TMEM44: variants seen among roughly 807,000 people sequenced by gnomAD.
TMEM44 encodes the protein transmembrane protein 44.
TMEM44 carries 43 observed loss-of-function variants against 47.8 expected under a neutral mutation model. The observed-to-expected ratio is 0.90, with a 90% CI of 0.70 to 1.16. TMEM44 has a LOEUF of 1.16. Ranked by LOEUF, TMEM44 falls within the 50% of genes most tolerant of loss-of-function variation. The pLI, the probability that TMEM44 is intolerant of heterozygous loss-of-function variation, is 0.00. For synonymous variants in TMEM44, 277 were observed against 238.8 expected (o/e 1.16, Z -1.48); for missense variants, 568 against 555.2 (o/e 1.02, Z -0.23).
intron 9 of TMEM44, among the ~76,000 whole-genome samples, chr3:194,598,529 C>T (rs1223417632): frequency 6.6e-6 from 1 of 152,160 alleles, no homozygotes; most frequent in Non-Finnish European, 1.5e-5. Context: ...AGGTAAGTGA[C>T]TTAAACTTAC....
At position 194,610,992 on chromosome 3, in the gene TMEM44, A is replaced by T. The variant is rs1194785319; in HGVS notation, c.941T>A (p.Leu314Gln). The change falls in exon 8 of 10, where the codon CTG (leucine) becomes CAG (glutamine). Residue 314 changes from leucine to glutamine, a missense_variant. Leu to Gln is a moderately radical substitution (Grantham distance 113). Coordinates refer to ENST00000347147, the MANE Select transcript of TMEM44 (RefSeq NM_001011655.3). ...TGTCCTCAGTGACTTGCAGTGTGACAGTGTGGTGAGAGGCACCCAATCCAA... is the reference window on the plus strand; with the variant it reads ...TGTCCTCAGTGACTTGCAGTGTGACTGTGTGGTGAGAGGCACCCAATCCAA... The part of the protein sequence containing the change: ...ENLDWVPLTT[L>Q]SHCKSLRTMT... 1.2e-6 allele frequency: 2 copies of T among 1,614,094 alleles called. No homozygotes were observed. Among genetic ancestry groups the T allele is most frequent in the East Asian group, 4.5e-5 (2 of 44,880 alleles).
intron 9 of TMEM44, among the ~76,000 whole-genome samples, chr3:194,603,802 G>A (rs574758596): frequency 1.3e-5 from 2 of 152,152 alleles, no homozygotes; most frequent in South Asian, 4.1e-4. Context: ...TGTGACCGTG[G>A]AAACCTCTTG....
At chr3:194,596,941 G>A (rs1354588074) in intron 9 of TMEM44, 2 of 152,258 alleles carry the variant, frequency 1.3e-5, no homozygotes, top group African/African-American at 4.8e-5. Context: ...AGTTTGGAGA[G>A]AGAACAAGCA....
chr3:194,601,522 TCG>T (rs2109164759), intron 9 of TMEM44, among the ~76,000 whole-genome samples: 2 of 152,168 alleles, frequency 1.3e-5, no homozygotes, highest in South Asian at 4.2e-4. Flanking sequence ...CAGGCTGGTC[TCG>T]AACTCCGATC....
intron 5 of TMEM44, chr3:194,622,547 C>CT (rs746646409): frequency 0.017 from 2,228 of 131,748 alleles, 58 homozygotes; most frequent in African/African-American, 0.054. Flanking sequence ...ATAAGACACT[C>CT]TTTTTTTTTT....
rs1270007441 is a variant in TMEM44, at chr3:194,617,650, G to A, written c.613-381C>T. The A allele has an allele frequency of 8.5e-6, 6 of 703,920 alleles. No individual in the cohort carries two copies. In the Admixed American group the frequency reaches 1.2e-4, roughly 14 times the overall value. The allele number at this position is 703,920 out of a possible 1,614,324, so 43.6% of individuals were successfully genotyped here. A position where few individuals can be genotyped will look rare whatever the true frequency, so the allele number is the denominator to read the frequency against. On this transcript the variant is annotated intron_variant, in intron 5 of 9. Transcript: ENST00000347147. ...GGGGTCCTCACCATCTCAGTGCCCAGCACCTGACGCTGGGCAGCGGCTCGC... is the reference window on the plus strand; with the variant it reads ...GGGGTCCTCACCATCTCAGTGCCCAACACCTGACGCTGGGCAGCGGCTCGC...
intron 1 of TMEM44, among the ~76,000 whole-genome samples, chr3:194,631,225 G>A (rs138311846): frequency 2.6e-5 from 4 of 152,038 alleles, no homozygotes; most frequent in South Asian, 2.1e-4. Context: ...CCTGCCTTCC[G>A]AAGGGGCTGG....
At chr3:194,613,198 G>C (rs891298911) in intron 7 of TMEM44, among the ~76,000 whole-genome samples, 24 of 151,798 alleles carry the variant, frequency 1.6e-4, no homozygotes, top group African/African-American at 5.8e-4. Flanking sequence ...ATTTTCTTGA[G>C]ACAGATTTTC....
At chr3:194,601,189 C>G (rs1814820) in intron 9 of TMEM44, among the ~76,000 whole-genome samples, 70,623 of 149,780 alleles carry the variant, frequency 0.47, 17,957 homozygotes, top group East Asian at 0.77. Context: ...TTTCACCCAG[C>G]CTGGAGTGAA....
chr3:194,610,449 A>G (rs996386915), intron 8 of TMEM44, among the ~76,000 whole-genome samples: 4 of 152,116 alleles, frequency 2.6e-5, no homozygotes, highest in African/African-American at 9.7e-5. Context: ...TCCCTTTCAT[A>G]AAGGAAATTT....
chr3:194,629,119 A>G (rs975727573), intron 1 of TMEM44, among the ~76,000 whole-genome samples: 2 of 151,898 alleles, frequency 1.3e-5, no homozygotes, highest in Non-Finnish European at 2.9e-5. Flanking sequence ...AGCCAAGATC[A>G]CACCATTGCA....
At chr3:194,613,558 T>C (rs1393912902) in intron 7 of TMEM44, among the ~76,000 whole-genome samples, 1 of 150,088 alleles carries the variant, frequency 6.7e-6, no homozygotes, top group Admixed American at 6.7e-5. Flanking sequence ...AATGGTGCGA[T>C]TTTGGCTTAC....
chr3:194,629,931 G>A (rs1391889013), intron 1 of TMEM44, among the ~76,000 whole-genome samples: 1 of 41,162 alleles, frequency 2.4e-5, no homozygotes, highest in African/African-American at 9.7e-5. Context: ...ATACGCTGTC[G>A]TACTGCCTCC....
chr3:194,624,305 G>C (rs528476421), intron 3 of TMEM44, among the ~76,000 whole-genome samples: 68 of 151,554 alleles, frequency 4.5e-4, no homozygotes, highest in African/African-American at 1.6e-3. Context: ...TGGGATTCCG[G>C]GTGTAAGCCA....
intron 3 of TMEM44, among the ~76,000 whole-genome samples, chr3:194,625,127 C>T (rs1250541263): frequency 6.6e-6 from 1 of 152,224 alleles, no homozygotes; most frequent in East Asian, 1.9e-4. Context: ...ATTTCCGACC[C>T]CTGCTGTGCC....
intron 5 of TMEM44, chr3:194,617,549 A>G: frequency 3.2e-6 from 2 of 626,424 alleles, no homozygotes; most frequent in Middle Eastern, 5.0e-4. Flanking sequence ...GCCCTAACGC[A>G]TCCCTCCAGC....
chr3:194,612,716 G>C (rs1047673852), intron 7 of TMEM44, among the ~76,000 whole-genome samples: 3 of 152,134 alleles, frequency 2.0e-5, no homozygotes, highest in Non-Finnish European at 4.4e-5. Context: ...CCAGGCTGGA[G>C]TGCAGTGGCG....
Position 194,606,952 on chromosome 3 carries a change from C to CA in TMEM44, c.1018-2508dup, listed in dbSNP as rs561876150. On this transcript the variant is annotated intron_variant, in intron 8 of 9. Coordinates refer to ENST00000347147, the MANE Select transcript of TMEM44 (RefSeq NM_001011655.3). Reference sequence around the variant, plus strand: ...TGGGCGACAGAGCGAGACTCTGCCTCAAAAAAAAAAAGGAAAGAATAAAAG... The same window carrying CA: ...TGGGCGACAGAGCGAGACTCTGCCTCAAAAAAAAAAAAGGAAAGAATAAAAG... Among the ~76,000 whole-genome samples the CA allele has an allele frequency of 4.2e-4, 47 of 111,750 alleles. 3 individuals are homozygous for CA. The highest frequency in any genetic ancestry group is 1.0e-3 in the African/African-American group (31 of 29,728). 73.3% of individuals were successfully genotyped at this position (111,750 alleles called of 152,430 possible). A position where few individuals can be genotyped will look rare whatever the true frequency, so the allele number is the denominator to read the frequency against.
chr3:194,633,070 C>T lies in TMEM44; in HGVS notation c.137+9G>A. 3.2e-6 allele frequency: 5 copies of T among 1,547,632 alleles called. No individual in the cohort carries two copies. The highest frequency in any genetic ancestry group is 4.4e-6 in the Non-Finnish European group (5 of 1,146,138). ...CGCCCGACAGCCCCCCGACCCGTGG[C>T]CCCATTACAGCGCGTGGGCGGCGAT... On this transcript the variant is annotated intron_variant, in intron 1 of 9. Transcript: ENST00000347147.
Sources: allele counts gnomAD v4.1 joint callset (sites outside exome capture counted in the v4.1 genomes callset), GRCh38; gene constraint gnomAD v4.1.1; transcripts MANE v1.5; gene names NCBI Gene and HGNC (gene_info 2026-07-23, HGNC 2026-07-21).